The following AFDN variants were observed in gnomAD, a reference collection of about 807,000 sequenced individuals.
The protein encoded by AFDN is afadin.
A neutral mutation model predicts 216.6 loss-of-function variants in AFDN; 68 were observed. That is an observed-to-expected ratio of 0.31 (90% confidence interval 0.26 to 0.38). The LOEUF is 0.38. AFDN is among the 10% of genes least tolerant of loss of function. AFDN has a pLI of 1.00. For synonymous variants in AFDN, 868 were observed against 853.7 expected, an observed-to-expected ratio of 1.02 and a Z score of -0.29; for missense variants, 2,136 against 2,342.0, an observed-to-expected ratio of 0.91 and a Z score of 1.82.
rs537142305 is a variant in AFDN at position 167,837,524 on chromosome 6, T to C, written c.105+10287T>C. Among the ~76,000 whole-genome samples, 46 of 152,278 alleles carry C rather than the reference T, an allele frequency of 3.0e-4. 1 individual carries two copies. The highest frequency in any genetic ancestry group is 9.6e-4 in the African/African-American group (40 of 41,546). ...AGCCATGCATCTGTCAGGAATCTAG[T>C]TTTTAAAGTCACCTAAGTTATTCTG... On this transcript the variant is annotated intron_variant, in intron 1 of 33. Transcript: ENST00000683244.
chr6:167,878,798 T>C (rs1785748491), intron 5 of AFDN, among the ~76,000 whole-genome samples: 1 of 152,200 alleles, frequency 6.6e-6, no homozygotes, highest in Non-Finnish European at 1.5e-5. Flanking sequence ...CCAACCAGAC[T>C]TGCCCAGCCC....
intron 2 of AFDN, among the ~76,000 whole-genome samples, chr6:167,867,366 A>G (rs1011520970): frequency 6.6e-6 from 1 of 150,390 alleles, no homozygotes. Flanking sequence ...AAAATTTTTT[A>G]TTTCTGTATT....
rs191214187 is a variant in AFDN, at chr6:167,837,584, A to T, written c.105+10347A>T. On this transcript the variant is annotated intron_variant, in intron 1 of 33. Transcript: ENST00000683244. ...GTAATACATCACATGTAGTGAACAC[A>T]TGTGATATATACCTGACATTAGTGT... Among the ~76,000 whole-genome samples the T allele has an allele frequency of 2.1e-3, 326 of 152,332 alleles. 4 individuals carry two copies. Among genetic ancestry groups the T allele is most frequent in the African/African-American group, 6.9e-3 (287 of 41,574 alleles).
At chr6:167,934,887 A>G (rs1793791902) in intron 23 of AFDN, among the ~76,000 whole-genome samples, 1 of 152,226 alleles carries the variant, frequency 6.6e-6, no homozygotes, top group Non-Finnish European at 1.5e-5. Context: ...GTGCAGTAAA[A>G]GAATTAGAGA....
At chr6:167,900,496 T>A (rs972239197) in intron 11 of AFDN, among the ~76,000 whole-genome samples, 1 of 152,206 alleles carries the variant, frequency 6.6e-6, no homozygotes, top group Non-Finnish European at 1.5e-5. Flanking sequence ...AGGCCATAGT[T>A]TGATAATTTC....
intron 1 of AFDN, among the ~76,000 whole-genome samples, chr6:167,858,015 G>T (rs976322177): frequency 6.6e-6 from 1 of 152,212 alleles, no homozygotes; most frequent in African/African-American, 2.4e-5. Context: ...GGTTTAAAAT[G>T]TTTTTAATTG....
chr6:167,919,559 A>G (rs150880289), intron 21 of AFDN, among the ~76,000 whole-genome samples: 61 of 152,392 alleles, frequency 4.0e-4, no homozygotes, highest in Admixed American at 2.3e-3. Flanking sequence ...AGCACTGCCA[A>G]GCTGGCTTGC....
At chr6:167,857,855 A>G (rs962194812) in intron 1 of AFDN, among the ~76,000 whole-genome samples, 1 of 152,144 alleles carries the variant, frequency 6.6e-6, no homozygotes. Flanking sequence ...CAAACAGTGC[A>G]TGGCAAAATC....
At chr6:167,874,273 C>T (rs550185452) in intron 4 of AFDN, among the ~76,000 whole-genome samples, 22 of 152,184 alleles carry the variant, frequency 1.4e-4, no homozygotes, top group Admixed American at 3.3e-4. Flanking sequence ...CTTTATGACT[C>T]GCTCTATTTA....
intron 5 of AFDN, among the ~76,000 whole-genome samples, chr6:167,877,514 G>A (rs748045497): frequency 6.6e-6 from 1 of 152,082 alleles, no homozygotes. Context: ...CTGTTAAAGG[G>A]GTGATTGGGG....
At chr6:167,913,478 T>G in intron 16 of AFDN, 55 bp downstream of exon 16, 1 of 1,492,694 alleles carries the variant, frequency 6.7e-7, no homozygotes, top group Non-Finnish European at 9.0e-7. Flanking sequence ...AAGTTTCTCA[T>G]GCTGCTCCCA....
chr6:167,895,747 C>T (rs1000867572), intron 9 of AFDN, among the ~76,000 whole-genome samples: 3 of 152,160 alleles, frequency 2.0e-5, no homozygotes, highest in African/African-American at 4.8e-5. Context: ...AACTGTTTAA[C>T]GTGTGAAACT....
chr6:167,951,733 C>T lies in AFDN; in HGVS notation c.4379C>T (p.Pro1460Leu), dbSNP rs764616905. 15 of 1,613,980 alleles carry T rather than the reference C, an allele frequency of 9.3e-6. No individual in the cohort carries two copies. The highest frequency in any genetic ancestry group is 1.6e-4 in the Middle Eastern group (1 of 6,084). The change falls in exon 30 of 34, where the codon CCG becomes CTG. Residue 1460 changes from proline to leucine, a missense_variant. Transcript: ENST00000683244. This position sits in a 1 kb window ranked among gnomAD's most constrained non-coding sequence, Gnocchi z 7.1. Reference protein sequence around the residue: ...QMRTQSLNPAPFSPLTAQQMK... With the variant: ...QMRTQSLNPALFSPLTAQQMK... ...CGCACTCAGTCCTTAAACCCTGCTC[C>T]GTTTTCTCCCCTGACTGCACAGCAG...
At chr6:167,896,471 T>G (rs1414859422) in intron 9 of AFDN, among the ~76,000 whole-genome samples, 1 of 152,184 alleles carries the variant, frequency 6.6e-6, no homozygotes, top group Non-Finnish European at 1.5e-5. Context: ...TGTATTGTGT[T>G]GTGTGCCATA....
At chr6:167,852,086 T>C (rs1300774254) in intron 1 of AFDN, among the ~76,000 whole-genome samples, 1 of 152,174 alleles carries the variant, frequency 6.6e-6, no homozygotes, top group Non-Finnish European at 1.5e-5. Context: ...CGTCATGTTA[T>C]TTCTTCCCTA....
rs1034210877 is a variant in AFDN, at chr6:167,962,671, C to A, written c.4968+104C>A. The stretch of plus-strand genomic sequence containing the variant: ...GAAGTTCTGTGTTTCTTAAGAAGCA[C>A]GAGGCAGAGCAGGGCCTGGCTCCCC... On this transcript the variant is annotated intron_variant, in intron 31 of 33. Coordinates refer to ENST00000683244, the MANE Select transcript of AFDN (RefSeq NM_001386888.1). The surrounding 1 kb of genome is among the most constrained non-coding windows in gnomAD (Gnocchi z 5.2). 1.1e-5 allele frequency: 17 copies of A among 1,578,004 alleles called. No homozygotes were observed. The highest frequency in any genetic ancestry group is 1.7e-5 in the Admixed American group (1 of 57,828).
Position 167,954,522 on chromosome 6 carries a change from CTT to C in AFDN, c.4833+2340_4833+2341del, listed in dbSNP as rs1298020333. On this transcript the variant is annotated intron_variant, in intron 30 of 33. Coordinates refer to ENST00000683244, the MANE Select transcript of AFDN (RefSeq NM_001386888.1). ...TGTTCTTGTTTCTTTCCCTTTGGTA[CTT>C]TTTTCCTGTCTTGATTTTCTTTTCT... The C allele has an allele frequency of 2.5e-6, 4 of 1,590,444 alleles. No homozygotes were observed. In the East Asian group the frequency reaches 9.1e-5, roughly 36 times the overall value.
intron 20 of AFDN, among the ~76,000 whole-genome samples, chr6:167,918,223 A>G (rs558580786): frequency 6.6e-6 from 1 of 152,350 alleles, no homozygotes; most frequent in South Asian, 2.1e-4. Context: ...GTGTCTAAAT[A>G]AAAATCACCC....
At chr6:167,930,091 G>A (rs1037200685) in intron 23 of AFDN, among the ~76,000 whole-genome samples, 2 of 152,110 alleles carry the variant, frequency 1.3e-5, no homozygotes, top group African/African-American at 4.8e-5. Context: ...TGTGGTCCCA[G>A]TTACACTGGC....
Sources: allele counts gnomAD v4.1 joint callset (sites outside exome capture counted in the v4.1 genomes callset), GRCh38; gene constraint gnomAD v4.1.1; non-coding constraint Gnocchi (gnomAD v3.1); transcripts MANE v1.5; gene names NCBI Gene and HGNC (gene_info 2026-07-23, HGNC 2026-07-21).